The following PCDH11X variants were observed in gnomAD, a reference collection of about 807,000 sequenced individuals.
PCDH11X encodes the protein protocadherin 11 X-linked.
A neutral mutation model predicts 53.3 loss-of-function variants in PCDH11X; 18 were observed. The ratio of observed to expected loss-of-function variants is 0.34; its 90% confidence interval spans 0.23 to 0.50. PCDH11X has a LOEUF of 0.50. PCDH11X is among the 20% of genes least tolerant of loss of function. The pLI is 0.98. For synonymous variants in PCDH11X, 279 were observed against 393.3 expected, an observed-to-expected ratio of 0.71 and a Z score of 3.44; for missense variants, 570 against 1,032.4, an observed-to-expected ratio of 0.55 and a Z score of 6.14.
At chrX:92,418,644 T>C (rs1454181690) in intron 9 of PCDH11X, among the ~76,000 whole-genome samples, 1 of 108,690 alleles carries the variant, frequency 9.2e-6, no homozygotes, top group Non-Finnish European at 1.9e-5. Flanking sequence ...CAGGCTGGAG[T>C]GTAGTGGTAC....
intron 6 of PCDH11X, among the ~76,000 whole-genome samples, chrX:92,017,427 G>C (rs186507648): frequency 3.7e-5 from 4 of 108,334 alleles, no homozygotes; most frequent in Non-Finnish European, 7.6e-5. Flanking sequence ...GGTGGGGCAC[G>C]GTGGCTCACC....
At chrX:91,972,630 G>A (rs1238108601) in intron 6 of PCDH11X, among the ~76,000 whole-genome samples, 5 of 105,678 alleles carry the variant, frequency 4.7e-5, no homozygotes, top group Non-Finnish European at 9.7e-5. Context: ...TTTGTATAAG[G>A]TGTAAGGAAG....
intron 9 of PCDH11X, among the ~76,000 whole-genome samples, chrX:92,455,744 C>G (rs1372589491): frequency 8.6e-5 from 6 of 69,381 alleles, no homozygotes; most frequent in African/African-American, 1.6e-4. Flanking sequence ...TTAAAAAAAT[C>G]TCTTCTAGTA....
At chrX:92,371,092 T>A (rs1247970494) in intron 8 of PCDH11X, among the ~76,000 whole-genome samples, 6 of 111,822 alleles carry the variant, frequency 5.4e-5, no homozygotes, top group Non-Finnish European at 1.1e-4. Context: ...AACCTATTTG[T>A]GTTCTTACTT....
At chrX:92,404,193 C>A (rs1325851350) in intron 9 of PCDH11X, among the ~76,000 whole-genome samples, 2 of 105,633 alleles carry the variant, frequency 1.9e-5, no homozygotes, top group Non-Finnish European at 3.8e-5. Flanking sequence ...GGAACAGATT[C>A]AAAAATACTT....
intron 9 of PCDH11X, among the ~76,000 whole-genome samples, chrX:92,445,079 A>G (rs1213058031): frequency 2.0e-5 from 2 of 101,881 alleles, no homozygotes; most frequent in African/African-American, 7.1e-5. Flanking sequence ...TTTTAGAAAG[A>G]GCTGCAGAGG....
chrX:91,946,335 A>T (rs2147863876), intron 6 of PCDH11X, among the ~76,000 whole-genome samples: 1 of 106,744 alleles, frequency 9.4e-6, no homozygotes, highest in East Asian at 3.0e-4. Context: ...TAAACATTGT[A>T]CTATTAAAGT....
At chrX:92,172,795 C>A (rs1323180468) in intron 6 of PCDH11X, among the ~76,000 whole-genome samples, 1 of 111,620 alleles carries the variant, frequency 9.0e-6, no homozygotes, top group African/African-American at 3.3e-5. Context: ...ATATAGGTTT[C>A]TTTGTATGTT....
intron 10 of PCDH11X, among the ~76,000 whole-genome samples, chrX:92,534,948 C>T (rs939416125): frequency 9.8e-4 from 109 of 111,386 alleles, no homozygotes; most frequent in Non-Finnish European, 1.7e-3. Context: ...ACTACAAACA[C>T]GTGCCAAATC....
chrX:92,387,791 T>C lies in PCDH11X; in HGVS notation c.3201T>C (p.Asp1067=), dbSNP rs2071041007. 1.7e-6 allele frequency: 2 copies of C among 1,210,280 alleles called. No homozygotes were observed. The highest frequency in any genetic ancestry group is 1.7e-5 in the African/African-American group (1 of 57,304). The change falls in exon 9 of 11, where the codon GAT becomes GAC. Residue 1067 remains aspartate, a synonymous_variant. Coordinates refer to ENST00000682573, the MANE Select transcript of PCDH11X (RefSeq NM_032968.5). ...LPEGSQESSS[D]GGLGDHDAGS... ...AAGGCTCTCAGGAAAGCAGCAGTGATGGTGGACTGGGAGACCATGATGCAG... is the reference window on the plus strand; with the variant it reads ...AAGGCTCTCAGGAAAGCAGCAGTGACGGTGGACTGGGAGACCATGATGCAG...
At chrX:91,994,318 C>T (rs1306332193) in intron 6 of PCDH11X, among the ~76,000 whole-genome samples, 1 of 109,529 alleles carries the variant, frequency 9.1e-6, no homozygotes, top group Non-Finnish European at 1.9e-5. Flanking sequence ...TTTCCTCACC[C>T]TCCCAGCCCT....
intron 6 of PCDH11X, among the ~76,000 whole-genome samples, chrX:92,126,854 TAAAA>T (rs148744256): frequency 1.0e-5 from 1 of 99,943 alleles, no homozygotes; most frequent in African/African-American, 3.6e-5. Flanking sequence ...TGAAATATGT[TAAAA>T]AAAAAAAAGT....
At chrX:91,848,232 C>T (rs1937803501) in intron 5 of PCDH11X, among the ~76,000 whole-genome samples, 2 of 105,550 alleles carry the variant, frequency 1.9e-5, no homozygotes, top group Admixed American at 1.0e-4. Flanking sequence ...GACAGAGTCT[C>T]GCTGTTGCCC....
At position 92,596,016 on chromosome X, in the gene PCDH11X, T is replaced by A. The variant is rs145674521; in HGVS notation, c.3368-22248T>A. 5.1e-3 allele frequency among the ~76,000 whole-genome samples: 569 copies of A among 111,703 alleles called. 3 individuals carry two copies. The highest frequency in any genetic ancestry group is 0.017 in the African/African-American group (535 of 30,775). ...ACCTCCTCATGTGGGAAACAGCTGT[T>A]TGACTGAGCTGATCTAGTCTCAGGA... On this transcript the variant is annotated intron_variant, in intron 10 of 10. Coordinates refer to ENST00000682573, the MANE Select transcript of PCDH11X (RefSeq NM_032968.5).
chrX:92,356,414 T>A (rs1372306991), intron 8 of PCDH11X, among the ~76,000 whole-genome samples: 1 of 91,438 alleles, frequency 1.1e-5, no homozygotes, highest in Non-Finnish European at 2.2e-5. Context: ...GTTTTAAAAC[T>A]ATTAAGTGAT....
chrX:92,365,313 A>T (rs1209994742), intron 8 of PCDH11X, among the ~76,000 whole-genome samples: 2 of 106,230 alleles, frequency 1.9e-5, no homozygotes, highest in African/African-American at 6.9e-5. Flanking sequence ...GTTATTTATT[A>T]TCATTATCAA....
At chrX:92,254,357 T>C (rs1338437906) in intron 7 of PCDH11X, among the ~76,000 whole-genome samples, 1 of 111,122 alleles carries the variant, frequency 9.0e-6, no homozygotes, top group Non-Finnish European at 1.9e-5. Flanking sequence ...ATGGGTTTCC[T>C]GAAAACAGCA....
chrX:92,146,238 C>G, intron 6 of PCDH11X, among the ~76,000 whole-genome samples: 1 of 110,490 alleles, frequency 9.1e-6, no homozygotes, highest in African/African-American at 3.3e-5. Context: ...AACTGAGAAT[C>G]CCTAAAGACA....
intron 6 of PCDH11X, among the ~76,000 whole-genome samples, chrX:92,163,514 A>G (rs1241150221): frequency 9.0e-6 from 1 of 110,806 alleles, no homozygotes; most frequent in East Asian, 2.9e-4. Flanking sequence ...GGCTTTTTCC[A>G]CTGCTTCCTC....
Sources: gnomAD v4.1 joint callset for allele counts (sites outside exome capture counted in the v4.1 genomes callset) on GRCh38, gnomAD v4.1.1 for gene constraint, MANE v1.5 for transcripts, NCBI Gene and HGNC (gene_info 2026-07-23, HGNC 2026-07-21) for gene names.